Variants in DPF3 observed in about 807,000 individuals in gnomAD.
DPF3 encodes double PHD fingers 3.
A neutral mutation model predicts 56.8 loss-of-function variants in DPF3; 18 were observed. The ratio of observed to expected loss-of-function variants is 0.32; its 90% confidence interval spans 0.22 to 0.47. DPF3 has a LOEUF of 0.47. DPF3 is among the 20% of genes least tolerant of loss of function. The pLI, the probability that DPF3 is intolerant of heterozygous loss-of-function variation, is 1.00. For missense variants in DPF3, 403 were observed against 488.8 expected, an observed-to-expected ratio of 0.82 and a Z score of 1.65; for synonymous variants, 188 against 180.2, an observed-to-expected ratio of 1.04 and a Z score of -0.35.
chr14:72,850,114 A>T (rs1884916885), intron 1 of DPF3, among the ~76,000 whole-genome samples: 1 of 151,470 alleles, frequency 6.6e-6, no homozygotes, highest in Admixed American at 6.7e-5. Context: ...GAGAAACTCC[A>T]TCTAAAAAAA....
chr14:72,769,051 G>C (rs1365329374), intron 2 of DPF3, among the ~76,000 whole-genome samples: 1 of 151,366 alleles, frequency 6.6e-6, no homozygotes, highest in Non-Finnish European at 1.5e-5. Context: ...ACAGAATTAA[G>C]ATACTTAAGT....
intron 7 of DPF3, among the ~76,000 whole-genome samples, chr14:72,690,511 GCACA>G (rs1399166514): frequency 7.0e-6 from 1 of 143,516 alleles, no homozygotes; most frequent in Non-Finnish European, 1.6e-5. Context: ...CAATACACAT[GCACA>G]CAAACAAGCA....
At chr14:72,866,100 C>T (rs1220495467) in intron 1 of DPF3, among the ~76,000 whole-genome samples, 1 of 152,138 alleles carries the variant, frequency 6.6e-6, no homozygotes, top group Non-Finnish European at 1.5e-5. Flanking sequence ...AATGTGGAAG[C>T]TCTGTCTCCA....
intron 1 of DPF3, among the ~76,000 whole-genome samples, chr14:72,789,766 C>T (rs1291033315): frequency 6.6e-6 from 1 of 151,920 alleles, no homozygotes; most frequent in South Asian, 2.1e-4. Context: ...CTCCTGGACT[C>T]AAGTGATCCA....
At chr14:72,782,143 T>C (rs1435093523) in intron 1 of DPF3, among the ~76,000 whole-genome samples, 6 of 151,880 alleles carry the variant, frequency 4.0e-5, no homozygotes, top group African/African-American at 1.2e-4. Context: ...CCCTCCCCAG[T>C]AAAGGGAATA....
chr14:72,874,477 T>G (rs1172369854), intron 1 of DPF3, among the ~76,000 whole-genome samples: 1 of 147,176 alleles, frequency 6.8e-6, no homozygotes, highest in Non-Finnish European at 1.5e-5. Flanking sequence ...AGACTCCGTC[T>G]CCAAAAAAAA....
chr14:72,756,302 C>T (rs1275084795), intron 2 of DPF3, among the ~76,000 whole-genome samples: 1 of 152,222 alleles, frequency 6.6e-6, no homozygotes, highest in Non-Finnish European at 1.5e-5. Flanking sequence ...GACACACACA[C>T]ACAATCAAAA....
chr14:72,812,503 G>A (rs1051221780), intron 1 of DPF3, among the ~76,000 whole-genome samples: 5 of 152,130 alleles, frequency 3.3e-5, no homozygotes, highest in Non-Finnish European at 5.9e-5. Context: ...GGAAGGAGGT[G>A]GAGGCAGGGA....
At chr14:72,705,951 G>A (rs964525294) in intron 6 of DPF3, among the ~76,000 whole-genome samples, 3 of 152,198 alleles carry the variant, frequency 2.0e-5, no homozygotes, top group Non-Finnish European at 4.4e-5. Flanking sequence ...AAAAAAAAGA[G>A]AGAGAGAGAG....
chr14:72,799,451 G>C (rs1389949980), intron 1 of DPF3, among the ~76,000 whole-genome samples: 1 of 152,054 alleles, frequency 6.6e-6, no homozygotes. Context: ...GATTATTTGA[G>C]GCCAGGAGTT....
chr14:72,701,533 C>T (rs528731006), intron 6 of DPF3, among the ~76,000 whole-genome samples: 46 of 152,304 alleles, frequency 3.0e-4, no homozygotes, highest in Admixed American at 2.4e-3. Flanking sequence ...CTACCCCACT[C>T]CTAGTCTGGG....
intron 7 of DPF3, among the ~76,000 whole-genome samples, chr14:72,691,757 G>C (rs145904159): frequency 9.2e-4 from 140 of 152,006 alleles, no homozygotes; most frequent in South Asian, 7.7e-3. Flanking sequence ...AGGAAATGTG[G>C]ACACAAAAGC....
rs1426095740 is a variant in DPF3 at position 72,615,108 on chromosome 14, G to C, written c.*4189C>G. 6.6e-6 allele frequency among the ~76,000 whole-genome samples: 1 copy of C among 152,200 alleles called. No individual in the cohort carries two copies. Among genetic ancestry groups the C allele is most frequent in the Admixed American group, 6.5e-5 (1 of 15,292 alleles). The stretch of plus-strand genomic sequence containing the variant: ...AGACATGGGGACCCCCTGAAGAGGG[G>C]CTAGGAGGGGCAGCCGGGGAGTGAG... On this transcript the variant is annotated 3_prime_UTR_variant, in exon 11 of 11. Transcript: ENST00000556509.
chr14:72,866,248 G>GGGA (rs1343320917), intron 1 of DPF3, among the ~76,000 whole-genome samples: 1 of 138,310 alleles, frequency 7.2e-6, no homozygotes, highest in Non-Finnish European at 1.7e-5. Flanking sequence ...ACCTCAGTCT[G>GGGA]TTCCTGCCAC....
intron 1 of DPF3, among the ~76,000 whole-genome samples, chr14:72,783,188 C>G (rs150401434): frequency 3.4e-4 from 52 of 152,032 alleles, no homozygotes; most frequent in Admixed American, 5.9e-4. Context: ...GCCCACCCCA[C>G]CCCAACCCTG....
chr14:72,674,180 G>A (rs910316413), intron 8 of DPF3, 60 bp downstream of exon 8: 12 of 1,558,622 alleles, frequency 7.7e-6, no homozygotes, highest in Non-Finnish European at 1.0e-5. Context: ...GATGGAAGAG[G>A]AATGCAAGAG....
chr14:72,748,905 G>A (rs1356622856), intron 3 of DPF3, among the ~76,000 whole-genome samples: 1 of 152,258 alleles, frequency 6.6e-6, no homozygotes, highest in Non-Finnish European at 1.5e-5. Context: ...TACCCAGGCA[G>A]AAGTTTTCTG....
intron 3 of DPF3, among the ~76,000 whole-genome samples, chr14:72,750,711 T>A (rs1347249363): frequency 6.7e-6 from 1 of 148,838 alleles, no homozygotes; most frequent in East Asian, 2.0e-4. Flanking sequence ...TCCAAAGTGG[T>A]TGTGCTGTGT....
At chr14:72,811,505 A>G (rs1217021006) in intron 1 of DPF3, among the ~76,000 whole-genome samples, 2 of 152,176 alleles carry the variant, frequency 1.3e-5, no homozygotes, top group African/African-American at 2.4e-5. Flanking sequence ...CCTCCAGACT[A>G]TGATAAAATA....
Sources: allele counts gnomAD v4.1 joint callset (sites outside exome capture counted in the v4.1 genomes callset), GRCh38; gene constraint gnomAD v4.1.1; transcripts MANE v1.5; gene names NCBI Gene and HGNC (gene_info 2026-07-23, HGNC 2026-07-21).